BAZ1A: variants seen among roughly 807,000 people sequenced by gnomAD.
BAZ1A encodes the protein bromodomain adjacent to zinc finger domain protein 1A.
BAZ1A carries 50 observed loss-of-function variants against 185.2 expected under a neutral mutation model. The ratio of observed to expected loss-of-function variants is 0.27; its 90% CI spans 0.22 to 0.34. The LOEUF (loss-of-function observed/expected upper bound fraction) is 0.34, where lower values mean the gene tolerates loss of function less well. BAZ1A is among the 10% of genes least tolerant of loss of function. BAZ1A has a pLI of 1.00. For synonymous variants in BAZ1A, 571 were observed against 615.6 expected, an observed-to-expected ratio of 0.93 and a Z score of 1.07; for missense variants, 1,356 against 1,839.9, an observed-to-expected ratio of 0.74 and a Z score of 4.81.
intron 4 of BAZ1A, among the ~76,000 whole-genome samples, chr14:34,818,955 T>A (rs945432054): frequency 3.3e-5 from 5 of 151,448 alleles, no homozygotes; most frequent in African/African-American, 1.2e-4. Flanking sequence ...TCCTGGCTAA[T>A]CCGGTGAAAC....
intron 4 of BAZ1A, among the ~76,000 whole-genome samples, chr14:34,812,398 A>T (rs1322220092): frequency 6.6e-6 from 1 of 152,252 alleles, no homozygotes; most frequent in African/African-American, 2.4e-5. Flanking sequence ...ATGTAGCAGC[A>T]GTGCCAGATT....
Position 34,807,503 on chromosome 14 carries a change from T to C in BAZ1A, c.674A>G (p.Lys225Arg). ...RKHLFSRDKLKLFLKQHCEPQ... is the reference protein window; with the variant it reads ...RKHLFSRDKLRLFLKQHCEPQ... ...TTCACAGTGTTGCTTCAGAAAAAGC[T>C]TTAGTTTATCACGAGAAAATAGGTG... The change falls in exon 6 of 27, where the codon AAG (lysine) becomes AGG (arginine). Residue 225 changes from lysine to arginine, a missense_variant. Transcript: ENST00000360310. 6.2e-7 allele frequency: 1 copy of C among 1,613,150 alleles called. No individual in the cohort carries two copies. The highest frequency in any genetic ancestry group is 2.2e-5 in the East Asian group (1 of 44,822).
At chr14:34,826,510 T>G (rs551168906) in intron 3 of BAZ1A, among the ~76,000 whole-genome samples, 2 of 152,198 alleles carry the variant, frequency 1.3e-5, no homozygotes, top group African/African-American at 4.8e-5. Flanking sequence ...AGCTACAAAC[T>G]CCCCTCTTAG....
chr14:34,850,185 C>T (rs2042575752), intron 3 of BAZ1A, among the ~76,000 whole-genome samples: 1 of 152,094 alleles, frequency 6.6e-6, no homozygotes, highest in Non-Finnish European at 1.5e-5. Flanking sequence ...TGAGACCAGC[C>T]TGGGCGACAT....
chr14:34,805,116 C>G (rs1044792621), intron 6 of BAZ1A, among the ~76,000 whole-genome samples: 1 of 152,172 alleles, frequency 6.6e-6, no homozygotes, highest in African/African-American at 2.4e-5. Context: ...TGAAGATGTG[C>G]TTGCTTTCCG....
intron 10 of BAZ1A, among the ~76,000 whole-genome samples, chr14:34,795,370 A>G (rs1037820355): frequency 2.6e-5 from 4 of 152,252 alleles, no homozygotes; most frequent in Non-Finnish European, 5.9e-5. Flanking sequence ...GGAAATAGGC[A>G]GAATCCTTAC....
intron 9 of BAZ1A, among the ~76,000 whole-genome samples, chr14:34,796,019 G>C (rs998245379): frequency 9.9e-5 from 15 of 152,078 alleles, no homozygotes. Flanking sequence ...CTGAAAATGG[G>C]CCGAGTGCAG....
chr14:34,779,618 A>G (rs1879908025), intron 17 of BAZ1A, among the ~76,000 whole-genome samples: 2 of 152,204 alleles, frequency 1.3e-5, no homozygotes, highest in African/African-American at 4.8e-5. Context: ...TTTGATAGTC[A>G]TTAAATAAGG....
chr14:34,844,086 G>C (rs919795938), intron 3 of BAZ1A, among the ~76,000 whole-genome samples: 1 of 150,672 alleles, frequency 6.6e-6, no homozygotes, highest in African/African-American at 2.4e-5. Context: ...GGCGCCTGTA[G>C]TCCCAGCTAC....
In BAZ1A at chr14:34,864,062, A is replaced by G. The variant is rs1157135037; in HGVS notation, c.114-1740T>C. Among the ~76,000 whole-genome samples the G allele has an allele frequency of 2.0e-5, 3 of 152,010 alleles. No homozygotes were observed. In the East Asian group the frequency reaches 5.8e-4, roughly 29 times the overall value. Reference sequence around the variant, plus strand: ...GGTCTCAACTTCCTGGGCTCAAGCTATCTTCCCACTTCAGCCTCCCAAAGT... The same window carrying G: ...GGTCTCAACTTCCTGGGCTCAAGCTGTCTTCCCACTTCAGCCTCCCAAAGT... On this transcript the variant is annotated intron_variant, in intron 2 of 26. Transcript: ENST00000360310.
intron 9 of BAZ1A, among the ~76,000 whole-genome samples, chr14:34,797,138 G>A (rs560358426): frequency 6.6e-6 from 1 of 152,138 alleles, no homozygotes; most frequent in South Asian, 2.1e-4. Flanking sequence ...TTCCACTTAA[G>A]ATTATTTAAT....
chr14:34,764,308 T>G (rs1244346390), intron 23 of BAZ1A, among the ~76,000 whole-genome samples: 2 of 136,592 alleles, frequency 1.5e-5, no homozygotes, highest in Non-Finnish European at 3.2e-5. Context: ...TTTTTTTTTT[T>G]GAGATGGAGT....
chr14:34,827,429 T>C (rs2042179143), intron 3 of BAZ1A, among the ~76,000 whole-genome samples: 1 of 152,190 alleles, frequency 6.6e-6, no homozygotes, highest in African/African-American at 2.4e-5. Flanking sequence ...TATTCCTAAC[T>C]AAAGTTAACT....
chr14:34,827,377 T>G (rs1489675826), intron 3 of BAZ1A, among the ~76,000 whole-genome samples: 1 of 152,214 alleles, frequency 6.6e-6, no homozygotes, highest in Non-Finnish European at 1.5e-5. Context: ...TACTGAAGTC[T>G]CCAGCTATTA....
At chr14:34,845,299 G>A (rs2042492786) in intron 3 of BAZ1A, 1 of 137,126 alleles carries the variant, frequency 7.3e-6, no homozygotes, top group Admixed American at 7.7e-5. Context: ...TGGAGGGGAA[G>A]AGGGGCTTTC....
chr14:34,809,565 ATTT>A (rs1322181173), intron 5 of BAZ1A, among the ~76,000 whole-genome samples: 1 of 152,130 alleles, frequency 6.6e-6, no homozygotes, highest in Non-Finnish European at 1.5e-5. Flanking sequence ...CCATCTCTTT[ATTT>A]AAAAAAAAGT....
intron 3 of BAZ1A, among the ~76,000 whole-genome samples, chr14:34,829,267 GAAAAAAAAAAA>G (rs60176426): frequency 1.2e-5 from 1 of 86,492 alleles, no homozygotes; most frequent in African/African-American, 4.6e-5. Context: ...CTCTGTCTCT[GAAAAAAAAAAA>G]AAAAAAAAAA....
At chr14:34,804,902 G>A (rs1881772080) in intron 6 of BAZ1A, among the ~76,000 whole-genome samples, 2 of 152,174 alleles carry the variant, frequency 1.3e-5, no homozygotes, top group Admixed American at 1.3e-4. Flanking sequence ...CAAACTTTGT[G>A]TGCTTGCTCA....
chr14:34,853,773 C>A (rs1215703984), intron 3 of BAZ1A, among the ~76,000 whole-genome samples: 5 of 151,810 alleles, frequency 3.3e-5, no homozygotes, highest in Non-Finnish European at 4.4e-5. Flanking sequence ...GGCGACAGAG[C>A]AAGACCCCAT....
Sources: gnomAD v4.1 joint callset for allele counts (sites outside exome capture counted in the v4.1 genomes callset) on GRCh38, gnomAD v4.1.1 for gene constraint, MANE v1.5 for transcripts, NCBI Gene and HGNC (gene_info 2026-07-23, HGNC 2026-07-21) for gene names.